The following PTPN9 variants were observed in gnomAD, a reference collection of about 807,000 sequenced individuals.
PTPN9 encodes protein tyrosine phosphatase non-receptor type 9.
In PTPN9, 26 loss-of-function variants were observed where a neutral mutation model predicts 69.8. The ratio of observed to expected loss-of-function variants is 0.37; its 90% confidence interval spans 0.27 to 0.52. The LOEUF (loss-of-function observed/expected upper bound fraction) is 0.52, where lower values mean the gene tolerates loss of function less well. PTPN9 is among the 20% of genes least tolerant of loss of function. The pLI is 0.91. For missense variants in PTPN9, 549 were observed against 740.3 expected (o/e 0.74, Z 3.00); for synonymous variants, 274 against 272.5 (o/e 1.01, Z -0.05).
intron 1 of PTPN9, among the ~76,000 whole-genome samples, chr15:75,539,546 T>C (rs1414340475): frequency 6.7e-6 from 1 of 150,076 alleles, no homozygotes; most frequent in Non-Finnish European, 1.5e-5. Flanking sequence ...GACCTCATGA[T>C]CCGCCCGCCT....
chr15:75,503,284 C>T (rs1160856064), intron 7 of PTPN9, among the ~76,000 whole-genome samples: 1 of 143,494 alleles, frequency 7.0e-6, no homozygotes, highest in Admixed American at 6.8e-5. Context: ...GCCTCTGCCC[C>T]GCTGCCCCGT....
chr15:75,549,901 G>T (rs932815462), intron 1 of PTPN9, among the ~76,000 whole-genome samples: 1 of 152,006 alleles, frequency 6.6e-6, no homozygotes. Flanking sequence ...TTAAGCATGG[G>T]AAGTTAAGGC....
intron 5 of PTPN9, among the ~76,000 whole-genome samples, chr15:75,509,804 T>C (rs1045245449): frequency 6.6e-5 from 10 of 151,934 alleles, no homozygotes; most frequent in African/African-American, 2.4e-4. Context: ...GCCAACATGG[T>C]GAAACCCCAT....
intron 7 of PTPN9, among the ~76,000 whole-genome samples, chr15:75,500,833 G>C (rs2074768735): frequency 6.6e-6 from 1 of 151,988 alleles, no homozygotes; most frequent in South Asian, 2.1e-4. Context: ...GCTGCAGTGA[G>C]CCATGATCAT....
chr15:75,578,786 ACCG>A lies in PTPN9; in HGVS notation c.-13_-11del. The A allele has an allele frequency of 8.1e-7, 1 of 1,237,464 alleles. No homozygotes were observed. Among genetic ancestry groups the A allele is most frequent in the Non-Finnish European group, 1.0e-6 (1 of 991,100 alleles). The allele number at this position is 1,237,464 out of a possible 1,614,324, so 76.7% of individuals were successfully genotyped here. On this transcript the variant is annotated 5_prime_UTR_variant, in exon 1 of 13. Transcript: ENST00000618819. ...CGGTCGCGGGCTCCATCCCCCCGCC[ACCG>A]CCGCCGGGCGGACAAAACTCGCTCG...
At chr15:75,486,107 A>AC (rs952695770) in intron 8 of PTPN9, among the ~76,000 whole-genome samples, 4 of 151,642 alleles carry the variant, frequency 2.6e-5, no homozygotes, top group Admixed American at 2.6e-4. Context: ...CTCAAAAAAA[A>AC]AAAAAAAAAC....
At chr15:75,534,615 CAG>C (rs1567509313) in intron 1 of PTPN9, among the ~76,000 whole-genome samples, 2 of 149,808 alleles carry the variant, frequency 1.3e-5, no homozygotes, top group East Asian at 3.9e-4. Context: ...GCCAAGGCTG[CAG>C]AGGGCCAAGA....
At chr15:75,523,375 C>T in intron 3 of PTPN9, 130 bp from the exon 4 acceptor site, 1 of 1,029,986 alleles carries the variant, frequency 9.7e-7, no homozygotes, top group Non-Finnish European at 1.4e-6. Flanking sequence ...CCTGACTTCA[C>T]CAATTGCTGT....
Position 75,464,586 on chromosome 15 carries a change from G to A in PTPN9, c.*4183C>T, listed in dbSNP as rs2074529432. 1 of 152,076 alleles carries A rather than the reference G, an allele frequency of 6.6e-6. No individual in the cohort carries two copies. 9.4% of individuals were successfully genotyped at this position (152,076 alleles called of 1,614,324 possible). A position where few individuals can be genotyped will look rare whatever the true frequency, so the allele number is the denominator to read the frequency against. ...TTTTACAGAGGGAACCTAGGACTTGGGTTTGGTTCAGTGGTAAGACCTCAA... is the reference window on the plus strand; with the variant it reads ...TTTTACAGAGGGAACCTAGGACTTGAGTTTGGTTCAGTGGTAAGACCTCAA... On this transcript the variant is annotated 3_prime_UTR_variant, in exon 13 of 13. Coordinates refer to ENST00000618819, the MANE Select transcript of PTPN9 (RefSeq NM_002833.4).
intron 1 of PTPN9, among the ~76,000 whole-genome samples, chr15:75,549,755 G>A (rs2075048931): frequency 1.3e-5 from 2 of 152,144 alleles, no homozygotes. Context: ...CGGAAGGATT[G>A]CTTGAGACCA....
intron 4 of PTPN9, among the ~76,000 whole-genome samples, chr15:75,522,608 G>A (rs2074910389): frequency 6.6e-6 from 1 of 151,996 alleles, no homozygotes; most frequent in South Asian, 2.1e-4. Context: ...GTTTCACCAT[G>A]TTGTCCAGGC....
chr15:75,526,376 T>C (rs1335901375), intron 2 of PTPN9, among the ~76,000 whole-genome samples: 2 of 152,126 alleles, frequency 1.3e-5, no homozygotes, highest in Admixed American at 6.6e-5. Flanking sequence ...TGAATGAATA[T>C]TGAATGAGCT....
At chr15:75,485,354 C>CTTTTTTTTTTTTTTTTTTT (rs891447336) in intron 8 of PTPN9, among the ~76,000 whole-genome samples, 1 of 78,752 alleles carries the variant, frequency 1.3e-5, no homozygotes, top group African/African-American at 5.4e-5. Context: ...ATTGTCACTT[C>CTTTTTTTTTTTTTTTTTTT]TTTTTTTTTT....
At chr15:75,472,874 GGA>G (rs1349680600) in intron 10 of PTPN9, among the ~76,000 whole-genome samples, 1 of 151,924 alleles carries the variant, frequency 6.6e-6, no homozygotes, top group Non-Finnish European at 1.5e-5. Context: ...CTTGAACCTG[GGA>G]GACGGAAGTT....
Position 75,509,001 on chromosome 15 carries a change from C to G in PTPN9, c.555G>C (p.Lys185Asn), listed in dbSNP as rs905992844. ...ATATGGGTGCCCCCACAATCAGCAC[C>G]TTCTTCAAACGAGCTGGAAATGCTC... ...LKGAFPARLK[K>N]VLIVGAPIWF... Residue 185 changes from lysine to asparagine, a missense_variant, in exon 6 of 13, where the codon AAG (lysine) becomes AAC (asparagine). Physicochemically the swap from Lys to Asn is moderately conservative, Grantham distance 94 (BLOSUM62 0). Transcript: ENST00000618819. 6.2e-7 allele frequency: 1 copy of G among 1,614,074 alleles called. No individual in the cohort carries two copies. The highest frequency in any genetic ancestry group is 8.5e-7 in the Non-Finnish European group (1 of 1,179,966).
Position 75,508,543 on chromosome 15 carries a change from A to C in PTPN9, c.639+374T>G, listed in dbSNP as rs374866183. The stretch of plus-strand genomic sequence containing the variant: ...ACAAATTCTAATGCCAGTTCAACTA[A>C]TGCAGTTATATTACAAGCTGTTAAA... On this transcript the variant is annotated intron_variant, in intron 6 of 12. Coordinates refer to ENST00000618819, the MANE Select transcript of PTPN9 (RefSeq NM_002833.4). Among the ~76,000 whole-genome samples the C allele has an allele frequency of 7.5e-4, 114 of 152,348 alleles. 3 individuals are homozygous for C. The South Asian group carries it at 0.023, about 31-fold the overall frequency.
At chr15:75,577,775 T>A (rs1004898571) in intron 1 of PTPN9, among the ~76,000 whole-genome samples, 5 of 152,194 alleles carry the variant, frequency 3.3e-5, no homozygotes, top group Non-Finnish European at 7.3e-5. Context: ...ATTTTTATTT[T>A]TTTTATTTAT....
chr15:75,509,099 T>G, intron 5 of PTPN9, 72 bp from the exon 6 acceptor site: 1 of 1,249,206 alleles, frequency 8.0e-7, no homozygotes, highest in Admixed American at 1.9e-5. Flanking sequence ...TTAGGTTTTC[T>G]GCTCTTCTCC....
At chr15:75,491,339 G>A (rs1349517124) in intron 7 of PTPN9, among the ~76,000 whole-genome samples, 4 of 151,216 alleles carry the variant, frequency 2.6e-5, no homozygotes, top group African/African-American at 9.7e-5. Flanking sequence ...GGAGGTGGAG[G>A]ATGCAGTGAG....
Sources: gnomAD v4.1 joint callset for allele counts (sites outside exome capture counted in the v4.1 genomes callset) on GRCh38, gnomAD v4.1.1 for gene constraint, MANE v1.5 for transcripts, NCBI Gene and HGNC (gene_info 2026-07-23, HGNC 2026-07-21) for gene names.